PPP4R2: variants seen among roughly 807,000 people sequenced by gnomAD.
The protein encoded by PPP4R2 is serine/threonine-protein phosphatase 4 regulatory subunit 2.
PPP4R2 carries 13 observed loss-of-function variants against 47.2 expected under a neutral mutation model. The observed-to-expected ratio is 0.28, with a 90% CI of 0.18 to 0.44. PPP4R2 has a LOEUF of 0.44. Among genes scored for constraint, PPP4R2 ranks in the 20% least tolerant of loss-of-function variants. The pLI, the probability that PPP4R2 is intolerant of heterozygous loss-of-function variation, is 1.00. For missense variants in PPP4R2, 421 were observed against 491.2 expected, an observed-to-expected ratio of 0.86 and a Z score of 1.35; for synonymous variants, 151 against 163.3, an observed-to-expected ratio of 0.92 and a Z score of 0.57.
rs1049721771 is a variant in PPP4R2, at chr3:73,067,443, G to C, written c.*1721G>C. 2.0e-5 allele frequency: 3 copies of C among 151,996 alleles called. No individual in the cohort carries two copies. Among genetic ancestry groups the C allele is most frequent in the Non-Finnish European group, 4.4e-5 (3 of 67,958 alleles). 9.4% of individuals were successfully genotyped at this position (151,996 alleles called of 1,614,324 possible). A position where few individuals can be genotyped will look rare whatever the true frequency, so the allele number is the denominator to read the frequency against. On this transcript the variant is annotated 3_prime_UTR_variant, in exon 9 of 9. Transcript: ENST00000356692. ...TAATATACTACTGACTGACTTGACT[G>C]TCAGGTTCACAACAGCTAGATGATA...
At chr3:73,063,221 T>A in intron 5 of PPP4R2, 1 of 361,284 alleles carries the variant, frequency 2.8e-6, no homozygotes, top group Middle Eastern at 7.0e-4. Context: ...ACACTCCCTT[T>A]GCTTCAAATG....
At chr3:73,062,458 T>C (rs747317767) in intron 5 of PPP4R2, 1 of 1,612,644 alleles carries the variant, frequency 6.2e-7, no homozygotes, top group East Asian at 2.2e-5. Flanking sequence ...ACCCCAAGTT[T>C]AGTATTCTTG....
intron 2 of PPP4R2, among the ~76,000 whole-genome samples, chr3:73,014,480 T>G (rs1701784201): frequency 6.6e-6 from 1 of 152,034 alleles, no homozygotes; most frequent in Non-Finnish European, 1.5e-5. Context: ...AGAGATGGGG[T>G]CTTGCTCAGG....
intron 5 of PPP4R2, chr3:73,061,884 G>T: frequency 1.9e-6 from 1 of 517,642 alleles, no homozygotes. Context: ...TTTTTAGAAT[G>T]TTCCCAAGAA....
intron 3 of PPP4R2, among the ~76,000 whole-genome samples, chr3:73,055,970 T>A (rs1378036154): frequency 2.0e-5 from 3 of 152,142 alleles, no homozygotes; most frequent in Non-Finnish European, 4.4e-5. Context: ...CCCCCCAAAT[T>A]TAAGGATTTC....
At chr3:73,051,584 G>A (rs1005362352) in intron 3 of PPP4R2, among the ~76,000 whole-genome samples, 2 of 152,034 alleles carry the variant, frequency 1.3e-5, no homozygotes, top group South Asian at 2.1e-4. Flanking sequence ...AAGATTATCC[G>A]CTTTCTAAAA....
At chr3:73,057,483 G>A (rs960726121) in intron 3 of PPP4R2, among the ~76,000 whole-genome samples, 2 of 152,078 alleles carry the variant, frequency 1.3e-5, no homozygotes, top group African/African-American at 4.8e-5. Flanking sequence ...GGAATATCAG[G>A]CAAACATTTA....
At chr3:73,018,273 A>G (rs1425424112) in intron 2 of PPP4R2, among the ~76,000 whole-genome samples, 2 of 152,094 alleles carry the variant, frequency 1.3e-5, no homozygotes, top group African/African-American at 4.8e-5. Flanking sequence ...TGCCTACACA[A>G]TGGACTGCTT....
intron 2 of PPP4R2, among the ~76,000 whole-genome samples, chr3:73,010,101 C>G (rs1164932655): frequency 6.6e-6 from 1 of 152,170 alleles, no homozygotes; most frequent in Non-Finnish European, 1.5e-5. Flanking sequence ...ATTCAAGTCT[C>G]AAATTAGTAA....
At chr3:73,011,397 C>T (rs2107226099) in intron 2 of PPP4R2, among the ~76,000 whole-genome samples, 3 of 152,262 alleles carry the variant, frequency 2.0e-5, no homozygotes, top group Middle Eastern at 6.8e-3. Flanking sequence ...AGGAGAATCG[C>T]TGGAACGCGG....
chr3:73,036,683 T>C (rs1459880990), intron 2 of PPP4R2, among the ~76,000 whole-genome samples: 1 of 152,224 alleles, frequency 6.6e-6, no homozygotes, highest in Non-Finnish European at 1.5e-5. Context: ...CTTTTAATGA[T>C]TTTTTTCTTC....
chr3:73,030,136 T>C (rs1702141012), intron 2 of PPP4R2, among the ~76,000 whole-genome samples: 1 of 152,234 alleles, frequency 6.6e-6, no homozygotes. Flanking sequence ...AGTGTATTTA[T>C]ATTTGTATGC....
At position 73,041,956 on chromosome 3, in the gene PPP4R2, A is replaced by G. The variant is rs574567769; in HGVS notation, c.117-5230A>G. On this transcript the variant is annotated intron_variant, in intron 2 of 8. Transcript: ENST00000356692. The stretch of plus-strand genomic sequence containing the variant: ...GGTCAATGTAAAATCTAGCACCAGG[A>G]TATATTTATTAGAGATATGAATTGT... Among the ~76,000 whole-genome samples the G allele has an allele frequency of 5.9e-5, 9 of 152,350 alleles. No homozygotes were observed. In the South Asian group the frequency reaches 1.7e-3, roughly 28 times the overall value.
rs1703042215 is a variant in PPP4R2, at chr3:73,068,307, C to T, written c.*2585C>T. ...TTCTGACCTTGAGCAGATTGCTTACCTGTTCTCTAGACTATAACCCAACAT... is the reference window on the plus strand; with the variant it reads ...TTCTGACCTTGAGCAGATTGCTTACTTGTTCTCTAGACTATAACCCAACAT... On this transcript the variant is annotated 3_prime_UTR_variant, in exon 9 of 9. Coordinates refer to ENST00000356692, the MANE Select transcript of PPP4R2 (RefSeq NM_174907.4). 1 of 152,010 alleles carries T rather than the reference C, an allele frequency of 6.6e-6. No individual in the cohort carries two copies. Among genetic ancestry groups the T allele is most frequent in the Non-Finnish European group, 1.5e-5 (1 of 68,012 alleles). 9.4% of individuals were successfully genotyped at this position (152,010 alleles called of 1,614,324 possible). A position where few individuals can be genotyped will look rare whatever the true frequency, so the allele number is the denominator to read the frequency against.
At chr3:73,012,764 G>A (rs563054664) in intron 2 of PPP4R2, among the ~76,000 whole-genome samples, 2 of 152,288 alleles carry the variant, frequency 1.3e-5, no homozygotes, top group South Asian at 2.1e-4. Flanking sequence ...GTGATTTCCA[G>A]GGTGGCTTTT....
intron 2 of PPP4R2, among the ~76,000 whole-genome samples, chr3:73,028,941 T>G (rs1404910962): frequency 6.6e-6 from 1 of 152,094 alleles, no homozygotes; most frequent in Non-Finnish European, 1.5e-5. Flanking sequence ...TCCAGAGCCG[T>G]CGCAGTTTTT....
intron 2 of PPP4R2, among the ~76,000 whole-genome samples, chr3:73,039,557 G>C (rs559306044): frequency 1.3e-5 from 2 of 152,160 alleles, no homozygotes; most frequent in African/African-American, 4.8e-5. Flanking sequence ...TAGAGAGGTG[G>C]GGAATGGGCC....
chr3:73,003,415 G>A (rs1701526782), intron 2 of PPP4R2, among the ~76,000 whole-genome samples: 1 of 152,008 alleles, frequency 6.6e-6, no homozygotes, highest in Middle Eastern at 3.2e-3. Context: ...GTTTCGCTGT[G>A]TTGAACAGGC....
chr3:73,064,048 A>G lies in PPP4R2; in HGVS notation c.540A>G (p.Pro180=). ...GPGTPRPLNR[P]KVSLSAPMTT... Reference sequence around the variant, plus strand: ...GGACACCCAGGCCACTTAATCGACCAAAGGTTTCTTTGTCAGCCCCCATGA... The same window carrying G: ...GGACACCCAGGCCACTTAATCGACCGAAGGTTTCTTTGTCAGCCCCCATGA... Residue 180 remains proline, a synonymous_variant, in exon 7 of 9, where the codon CCA becomes CCG. Coordinates refer to ENST00000356692, the MANE Select transcript of PPP4R2 (RefSeq NM_174907.4). 1 of 1,613,198 alleles carries G rather than the reference A, an allele frequency of 6.2e-7. No individual in the cohort carries two copies.
Sources: gnomAD v4.1 joint callset for allele counts (sites outside exome capture counted in the v4.1 genomes callset) on GRCh38, gnomAD v4.1.1 for gene constraint, MANE v1.5 for transcripts, NCBI Gene and HGNC (gene_info 2026-07-23, HGNC 2026-07-21) for gene names.